CHRM3: variants seen among roughly 807,000 people sequenced by gnomAD.
CHRM3 encodes the protein cholinergic receptor muscarinic 3.
A neutral mutation model predicts 41.8 loss-of-function variants in CHRM3; 11 were observed. The ratio of observed to expected loss-of-function variants is 0.26; its 90% CI spans 0.17 to 0.44. The LOEUF (loss-of-function observed/expected upper bound fraction) is 0.44, where lower values mean the gene tolerates loss of function less well. Ranked by LOEUF, CHRM3 falls within the 20% of genes least tolerant of loss-of-function variation. The probability of loss-of-function intolerance (pLI) is 1.00; values close to 1 mark genes in which losing one functional copy is unlikely to be tolerated. For synonymous variants in CHRM3, 297 were observed against 301.4 expected, an observed-to-expected ratio of 0.99 and a Z score of 0.15; for missense variants, 571 against 745.4, an observed-to-expected ratio of 0.77 and a Z score of 2.72.
intron 6 of CHRM3, among the ~76,000 whole-genome samples, chr1:239,831,683 T>G (rs1050239823): frequency 2.0e-5 from 3 of 152,118 alleles, no homozygotes; most frequent in African/African-American, 7.2e-5. Context: ...GGAAATTAAG[T>G]CAGAAGTTCA....
chr1:239,656,332 A>T (rs11589781), intron 4 of CHRM3, among the ~76,000 whole-genome samples: 15,267 of 58,362 alleles, frequency 0.26, 955 homozygotes, highest in East Asian at 0.37. Flanking sequence ...ATTTTTTTTT[A>T]AAAAAAGGGT....
At chr1:239,759,182 G>GTTTTTTTTTTTTTT (rs1346616146) in intron 5 of CHRM3, among the ~76,000 whole-genome samples, 3 of 42,912 alleles carry the variant, frequency 7.0e-5, no homozygotes, top group African/African-American at 8.9e-5. Flanking sequence ...TTTTTTTTTT[G>GTTTTTTTTTTTTTT]TTTTTTTTTT....
intron 4 of CHRM3, among the ~76,000 whole-genome samples, chr1:239,644,961 C>T (rs1157335529): frequency 1.3e-5 from 2 of 152,114 alleles, no homozygotes; most frequent in Non-Finnish European, 2.9e-5. Context: ...GACTTCCCAC[C>T]TCTCACTCCT....
chr1:239,534,250 C>T lies in CHRM3; in HGVS notation c.-421-11391C>T, dbSNP rs538120352. ...AACAGGCACAAGAATTGCTTGAACC[C>T]GGGAGGCAGAAGTTGCAGTGAGCTG... On this transcript the variant is annotated intron_variant, in intron 2 of 6. Coordinates refer to ENST00000676153, the MANE Select transcript of CHRM3 (RefSeq NM_001375978.1). Among the ~76,000 whole-genome samples, 5 of 152,248 alleles carry T rather than the reference C, an allele frequency of 3.3e-5. No homozygotes were observed. The South Asian group carries it at 6.2e-4, about 19-fold the overall frequency.
chr1:239,490,296 G>T (rs1667471145), intron 1 of CHRM3, among the ~76,000 whole-genome samples: 1 of 152,164 alleles, frequency 6.6e-6, no homozygotes, highest in African/African-American at 2.4e-5. Flanking sequence ...CACTGCTGAA[G>T]AGTGTTCTTT....
At chr1:239,554,678 G>C (rs1291158511) in intron 3 of CHRM3, among the ~76,000 whole-genome samples, 1 of 147,264 alleles carries the variant, frequency 6.8e-6, no homozygotes, top group Admixed American at 6.7e-5. Flanking sequence ...TAAAAATTAA[G>C]TTTTTGATAA....
At chr1:239,714,989 C>A (rs1309039876) in intron 5 of CHRM3, among the ~76,000 whole-genome samples, 2 of 151,840 alleles carry the variant, frequency 1.3e-5, no homozygotes, top group African/African-American at 4.8e-5. Context: ...ATGAAAAGAA[C>A]CCAGAAAAGA....
chr1:239,599,061 C>T (rs748038196), intron 3 of CHRM3, among the ~76,000 whole-genome samples: 80 of 152,198 alleles, frequency 5.3e-4, no homozygotes, highest in Non-Finnish European at 1.1e-3. Flanking sequence ...TCCCATCTTC[C>T]GTTGTAGACA....
At chr1:239,577,393 G>A (rs1292488588) in intron 3 of CHRM3, among the ~76,000 whole-genome samples, 2 of 151,944 alleles carry the variant, frequency 1.3e-5, no homozygotes, top group Admixed American at 6.6e-5. Context: ...AGATGTTCAG[G>A]GACAATAAGA....
At position 239,908,878 on chromosome 1, in the gene CHRM3, C is replaced by T. The variant is rs1201867951; in HGVS notation, c.1427C>T (p.Thr476Ile). The change falls in exon 7 of 7, where the codon ACT becomes ATT. Residue 476 changes from threonine (T) to isoleucine (I), a missense_variant. Around this residue, in one of 5 missense-constraint regions of CHRM3, gnomAD observed 239 missense variants for 239.6 expected, o/e 1.00. Transcript: ENST00000676153. This position sits in a 1 kb window ranked among gnomAD's most constrained non-coding sequence, Gnocchi z 7.2. ...RFALKTRSQITKRKRMSLVKE... is the reference protein window; with the variant it reads ...RFALKTRSQIIKRKRMSLVKE... ...GCTCTGAAGACCAGAAGTCAGATCACTAAGCGGAAAAGGATGTCCCTGGTC... is the reference window on the plus strand; with the variant it reads ...GCTCTGAAGACCAGAAGTCAGATCATTAAGCGGAAAAGGATGTCCCTGGTC... 2 of 1,614,138 alleles carry T rather than the reference C, an allele frequency of 1.2e-6. No homozygotes were observed. The highest frequency in any genetic ancestry group is 1.7e-6 in the Non-Finnish European group (2 of 1,180,042).
At chr1:239,472,201 C>T (rs948429777) in intron 1 of CHRM3, among the ~76,000 whole-genome samples, 2 of 152,174 alleles carry the variant, frequency 1.3e-5, no homozygotes, top group African/African-American at 4.8e-5. Context: ...ATTTCTGGCC[C>T]ATCCCGTCTT....
chr1:239,429,681 T>C (rs1315546707), intron 1 of CHRM3, among the ~76,000 whole-genome samples: 1 of 152,172 alleles, frequency 6.6e-6, no homozygotes, highest in Non-Finnish European at 1.5e-5. Flanking sequence ...ATTTTTCATG[T>C]CGGGTATTTT....
intron 6 of CHRM3, among the ~76,000 whole-genome samples, chr1:239,878,651 C>T (rs1677324869): frequency 6.6e-6 from 1 of 151,118 alleles, no homozygotes; most frequent in Non-Finnish European, 1.5e-5. Flanking sequence ...CCATATATAC[C>T]ATATATATGC....
chr1:239,416,072 A>C (rs1661478156), intron 1 of CHRM3, among the ~76,000 whole-genome samples: 1 of 152,214 alleles, frequency 6.6e-6, no homozygotes, highest in African/African-American at 2.4e-5. Context: ...AACAGAATTA[A>C]GTATCGTGGG....
chr1:239,797,129 T>G (rs1475233130), intron 5 of CHRM3, among the ~76,000 whole-genome samples: 1 of 152,250 alleles, frequency 6.6e-6, no homozygotes, highest in East Asian at 1.9e-4. Flanking sequence ...ATGTTCTCAC[T>G]TATAAGTGGG....
intron 3 of CHRM3, among the ~76,000 whole-genome samples, chr1:239,568,150 G>A (rs1244405851): frequency 6.6e-6 from 1 of 152,128 alleles, no homozygotes; most frequent in Non-Finnish European, 1.5e-5. Context: ...CTCCAGGCTG[G>A]TGTGGGTAGC....
At chr1:239,570,298 A>G (rs1442053798) in intron 3 of CHRM3, among the ~76,000 whole-genome samples, 2 of 152,296 alleles carry the variant, frequency 1.3e-5, no homozygotes, top group Admixed American at 1.3e-4. Flanking sequence ...ATCTACTGCC[A>G]TGACTGTAAG....
At chr1:239,772,971 A>C (rs1667810252) in intron 5 of CHRM3, among the ~76,000 whole-genome samples, 2 of 152,134 alleles carry the variant, frequency 1.3e-5, no homozygotes, top group Admixed American at 1.3e-4. Context: ...GAATCCCCAC[A>C]CTCAGCACAG....
intron 5 of CHRM3, among the ~76,000 whole-genome samples, chr1:239,774,599 A>G (rs532431169): frequency 6.6e-6 from 1 of 151,318 alleles, no homozygotes; most frequent in African/African-American, 2.5e-5. Flanking sequence ...ATTTCATTAA[A>G]TAAAATAATG....
Sources: allele counts gnomAD v4.1 joint callset (sites outside exome capture counted in the v4.1 genomes callset), GRCh38; gene constraint gnomAD v4.1.1; regional missense constraint gnomAD v4.1.1; non-coding constraint Gnocchi (gnomAD v3.1); transcripts MANE v1.5; gene names NCBI Gene and HGNC (gene_info 2026-07-23, HGNC 2026-07-21).